The following SLC25A24 variants were observed in gnomAD, a reference collection of about 807,000 sequenced individuals.
SLC25A24 encodes the protein solute carrier family 25 member 24, also known as mitochondrial adenyl nucleotide antiporter SLC25A24.
A neutral mutation model predicts 60.7 loss-of-function variants in SLC25A24; 49 were observed. The ratio of observed to expected loss-of-function variants is 0.81; its 90% CI spans 0.64 to 1.02. The LOEUF (loss-of-function observed/expected upper bound fraction) is 1.02, where lower values mean the gene tolerates loss of function less well. Ranked by LOEUF, SLC25A24 falls within the 50% of genes least tolerant of loss-of-function variation. The pLI, the probability that SLC25A24 is intolerant of heterozygous loss-of-function variation, is 0.00. For synonymous variants in SLC25A24, 202 were observed against 200.6 expected (o/e 1.01, Z -0.06); for missense variants, 564 against 586.3 (o/e 0.96, Z 0.39).
At chr1:108,153,770 G>A (rs1041528818) in intron 6 of SLC25A24, among the ~76,000 whole-genome samples, 1 of 152,184 alleles carries the variant, frequency 6.6e-6, no homozygotes, top group East Asian at 1.9e-4. Context: ...CCTGTTGGTG[G>A]TATCCAAGGT....
chr1:108,159,720 G>A (rs1156615481), intron 4 of SLC25A24, among the ~76,000 whole-genome samples: 5 of 151,756 alleles, frequency 3.3e-5, no homozygotes, highest in South Asian at 2.1e-4. Context: ...ATCTTGCACC[G>A]CCCTTAATCC....
intron 2 of SLC25A24, among the ~76,000 whole-genome samples, chr1:108,184,631 G>A (rs868630850): frequency 3.2e-4 from 48 of 152,252 alleles, no homozygotes; most frequent in African/African-American, 1.1e-3. Flanking sequence ...GCCAAATAAG[G>A]TGTATTAACT....
At chr1:108,188,325 A>C (rs1449607004) in intron 1 of SLC25A24, among the ~76,000 whole-genome samples, 1 of 152,128 alleles carries the variant, frequency 6.6e-6, no homozygotes, top group Non-Finnish European at 1.5e-5. Context: ...CCTCAGCATC[A>C]TGCAATATAC....
At chr1:108,192,877 C>T in intron 1 of SLC25A24, 1 of 775,150 alleles carries the variant, frequency 1.3e-6, no homozygotes, top group Non-Finnish European at 1.7e-6. Flanking sequence ...CTCTGGGCTG[C>T]GCTGGGAGAC....
intron 3 of SLC25A24, among the ~76,000 whole-genome samples, chr1:108,165,396 G>A (rs1428595394): frequency 6.9e-6 from 1 of 144,744 alleles, no homozygotes; most frequent in Non-Finnish European, 1.5e-5. Context: ...AGTGGGGTGT[G>A]AAAGTCTCCC....
chr1:108,193,098 G>A lies in SLC25A24; in HGVS notation c.183+6858C>T, dbSNP rs558399013. ...TGCAGCATAAGTGACTGGCGGTGGCGGCCTGCCAACATTTAAAAAAAATTG... is the reference window on the plus strand; with the variant it reads ...TGCAGCATAAGTGACTGGCGGTGGCAGCCTGCCAACATTTAAAAAAAATTG... On this transcript the variant is annotated intron_variant, in intron 1 of 9. Coordinates refer to ENST00000565488, the MANE Select transcript of SLC25A24 (RefSeq NM_013386.5). Among the ~76,000 whole-genome samples, 2 of 139,734 alleles carry A rather than the reference G, an allele frequency of 1.4e-5. 1 individual carries two copies. The highest frequency in any genetic ancestry group is 3.1e-5 in the Non-Finnish European group (2 of 63,698). 91.7% of individuals were successfully genotyped at this position (139,734 alleles called of 152,430 possible). A position where few individuals can be genotyped will look rare whatever the true frequency, so the allele number is the denominator to read the frequency against.
At chr1:108,172,572 C>G (rs968171322) in intron 3 of SLC25A24, among the ~76,000 whole-genome samples, 3 of 152,170 alleles carry the variant, frequency 2.0e-5, no homozygotes, top group Non-Finnish European at 4.4e-5. Context: ...TAATAGAGTT[C>G]ACTTATTACC....
At chr1:108,142,769 A>G (rs1679475927) in intron 8 of SLC25A24, among the ~76,000 whole-genome samples, 1 of 152,176 alleles carries the variant, frequency 6.6e-6, no homozygotes, top group Admixed American at 6.5e-5. Flanking sequence ...GGCAAATTTT[A>G]TATTTTATAA....
At chr1:108,199,353 G>T (rs1234989583) in intron 1 of SLC25A24, 1 of 152,624 alleles carries the variant, frequency 6.6e-6, no homozygotes, top group East Asian at 1.9e-4. Context: ...CAGAGAAAAT[G>T]AAATTGCTCA....
At chr1:108,174,050 T>A (rs958592780) in intron 3 of SLC25A24, among the ~76,000 whole-genome samples, 1 of 152,102 alleles carries the variant, frequency 6.6e-6, no homozygotes, top group Non-Finnish European at 1.5e-5. Context: ...AAAAGAAAAA[T>A]CTATTTTCTG....
intron 3 of SLC25A24, among the ~76,000 whole-genome samples, chr1:108,175,722 C>G (rs1262347155): frequency 6.6e-6 from 1 of 151,976 alleles, no homozygotes; most frequent in Non-Finnish European, 1.5e-5. Flanking sequence ...AATGAAAAGA[C>G]AGACAGTAAT....
intron 4 of SLC25A24, among the ~76,000 whole-genome samples, chr1:108,159,953 C>T (rs950224483): frequency 1.8e-4 from 27 of 152,234 alleles, no homozygotes; most frequent in African/African-American, 6.5e-4. Context: ...CCATTGTCAT[C>T]ATGGCCCGTT....
chr1:108,182,427 A>G (rs1032902737), intron 2 of SLC25A24, among the ~76,000 whole-genome samples: 2 of 152,222 alleles, frequency 1.3e-5, no homozygotes, highest in African/African-American at 4.8e-5. Context: ...CTATTTCTAC[A>G]TTTTTAATAA....
intron 1 of SLC25A24, among the ~76,000 whole-genome samples, chr1:108,188,915 T>C (rs753854857): frequency 1.3e-5 from 2 of 152,224 alleles, no homozygotes; most frequent in Non-Finnish European, 2.9e-5. Flanking sequence ...AAATTTGGGC[T>C]GTAACATCAC....
intron 1 of SLC25A24, among the ~76,000 whole-genome samples, chr1:108,187,123 T>C (rs538082554): frequency 2.6e-4 from 39 of 150,952 alleles, no homozygotes; most frequent in African/African-American, 9.0e-4. Context: ...TGTGACTGGA[T>C]GGTTTCATGG....
chr1:108,154,073 A>ATTTTTTTTTTTTTTTTT (rs3043351), intron 6 of SLC25A24, among the ~76,000 whole-genome samples: 2 of 133,474 alleles, frequency 1.5e-5, no homozygotes, highest in African/African-American at 2.9e-5. Context: ...ATTTTCTTTA[A>ATTTTTTTTTTTTTTTTT]TTTTTTTTTT....
intron 7 of SLC25A24, among the ~76,000 whole-genome samples, chr1:108,144,843 G>A (rs1364334444): frequency 2.0e-5 from 3 of 152,100 alleles, no homozygotes; most frequent in Non-Finnish European, 4.4e-5. Flanking sequence ...ATGGGCATTT[G>A]GGTTGGTTCC....
At chr1:108,180,616 ATCTCTCTCTCTCTCTCTCTCTC>A (rs3043349) in intron 3 of SLC25A24, among the ~76,000 whole-genome samples, 7 of 61,748 alleles carry the variant, frequency 1.1e-4, no homozygotes, top group Admixed American at 2.9e-4. Context: ...CAAGAGAAAG[ATCTCTCTCTCTCTCTCTCTCTC>A]TCTCTCTCTC....
intron 3 of SLC25A24, among the ~76,000 whole-genome samples, chr1:108,166,816 T>C (rs1049070336): frequency 6.6e-6 from 1 of 152,248 alleles, no homozygotes; most frequent in Non-Finnish European, 1.5e-5. Context: ...CCATCCAGCT[T>C]TGTTCCGTTG....
Sources: allele counts gnomAD v4.1 joint callset (sites outside exome capture counted in the v4.1 genomes callset), GRCh38; gene constraint gnomAD v4.1.1; transcripts MANE v1.5; gene names NCBI Gene and HGNC (gene_info 2026-07-23, HGNC 2026-07-21).